The following CSMD1 variants were observed in gnomAD, a reference collection of about 807,000 sequenced individuals.
The protein encoded by CSMD1 is CUB and Sushi multiple domains 1.
Under a neutral mutation model 417.5 loss-of-function variants are expected in CSMD1, and 213 were observed. The ratio of observed to expected loss-of-function variants is 0.51; its 90% CI spans 0.46 to 0.57. CSMD1 has a LOEUF of 0.57. Among genes scored for constraint, CSMD1 ranks in the 20% least tolerant of loss-of-function variants. CSMD1 has a pLI of 0.00. For missense variants in CSMD1, 6,923 were observed against 4,529.7 expected, an observed-to-expected ratio of 1.53 and a Z score of -15.17; for synonymous variants, 2,862 against 1,736.8, an observed-to-expected ratio of 1.65 and a Z score of -16.11.
chr8:3,300,583 C>T (rs950305296), intron 25 of CSMD1, among the ~76,000 whole-genome samples: 1 of 152,050 alleles, frequency 6.6e-6, no homozygotes, highest in African/African-American at 2.4e-5. Flanking sequence ...ATTTCCTAGG[C>T]ATTTATTCTA....
intron 12 of CSMD1, among the ~76,000 whole-genome samples, chr8:3,452,922 A>G (rs1815844979): frequency 6.6e-6 from 1 of 152,226 alleles, no homozygotes; most frequent in African/African-American, 2.4e-5. Flanking sequence ...CTCTGGTAGA[A>G]TTCGGCTGTG....
chr8:4,521,163 A>G (rs1480115036), intron 2 of CSMD1, among the ~76,000 whole-genome samples: 1 of 152,186 alleles, frequency 6.6e-6, no homozygotes, highest in African/African-American at 2.4e-5. Context: ...ACTTACAAAA[A>G]GAACTAAATA....
rs548407107 is a variant in CSMD1 at position 4,838,331 on chromosome 8, AG to A, written c.85+156000del. Among the ~76,000 whole-genome samples the A allele has an allele frequency of 1.1e-4, 16 of 152,306 alleles. No individual in the cohort carries two copies. The South Asian group carries it at 3.3e-3, about 32-fold the overall frequency. On this transcript the variant is annotated intron_variant, in intron 1 of 69. Coordinates refer to ENST00000635120, the MANE Select transcript of CSMD1 (RefSeq NM_033225.6). ...AAGCGTTCATGGAAATAAAATTAACAGGGTAGCTTTGCCTCAAAGACTATGC... is the reference window on the plus strand; with the variant it reads ...AAGCGTTCATGGAAATAAAATTAACAGGTAGCTTTGCCTCAAAGACTATGC...
Position 2,963,262 on chromosome 8 carries a change from T to A in CSMD1, c.9414A>T (p.Glu3138Asp). The A allele has an allele frequency of 6.2e-7, 1 of 1,613,938 alleles. No individual in the cohort carries two copies. Among genetic ancestry groups the A allele is most frequent in the Non-Finnish European group, 8.5e-7 (1 of 1,179,868 alleles). ...TCTCTCCTTTCCACACCCCGCGACC[T>A]TCACAGGAGAGGATGGCGGAGTGAG... ...QLSHSAILSC[E>D]GRGVWKGEIP... The change falls in exon 60 of 70, where the codon GAA (glutamate) becomes GAT (aspartate). Residue 3138 changes from glutamate (E) to aspartate (D), a missense_variant. By Grantham distance (45) the Glu-to-Asp change is conservative. Transcript: ENST00000635120.
At chr8:4,527,852 G>C (rs997022183) in intron 2 of CSMD1, among the ~76,000 whole-genome samples, 16 of 152,196 alleles carry the variant, frequency 1.1e-4, no homozygotes, top group African/African-American at 3.9e-4. Context: ...TCTTTAAATG[G>C]AATGACGTCT....
At chr8:4,078,591 T>A (rs1324266117) in intron 3 of CSMD1, among the ~76,000 whole-genome samples, 1 of 151,220 alleles carries the variant, frequency 6.6e-6, no homozygotes, top group Non-Finnish European at 1.5e-5. Flanking sequence ...ACATAAAATC[T>A]TCGTTATGAA....
chr8:3,131,829 T>G (rs1464891243), intron 41 of CSMD1, among the ~76,000 whole-genome samples: 2 of 152,196 alleles, frequency 1.3e-5, no homozygotes, highest in Non-Finnish European at 2.9e-5. Flanking sequence ...ATGCTAAATA[T>G]TAATTAAAGC....
chr8:3,477,903 G>A (rs539684955), intron 11 of CSMD1, among the ~76,000 whole-genome samples: 16 of 152,284 alleles, frequency 1.1e-4, no homozygotes, highest in African/African-American at 3.8e-4. Context: ...AGGGCAGGTG[G>A]AAAAGAGCAG....
chr8:3,230,286 C>G, intron 26 of CSMD1, 55 bp from the exon 27 acceptor site: 1 of 1,433,152 alleles, frequency 7.0e-7, no homozygotes, highest in Admixed American at 2.5e-5. Flanking sequence ...TTTCCACATT[C>G]TTGTCGGTGT....
chr8:4,374,482 T>G (rs1207826658), intron 3 of CSMD1, among the ~76,000 whole-genome samples: 4 of 152,098 alleles, frequency 2.6e-5, no homozygotes, highest in African/African-American at 9.7e-5. Flanking sequence ...GACAGCTTGC[T>G]ACTGGCAGGA....
intron 1 of CSMD1, among the ~76,000 whole-genome samples, chr8:4,746,565 G>C (rs1015658596): frequency 6.6e-6 from 1 of 152,184 alleles, no homozygotes; most frequent in Non-Finnish European, 1.5e-5. Flanking sequence ...GCCCAAGTGA[G>C]AATGAAGGAA....
intron 11 of CSMD1, among the ~76,000 whole-genome samples, 155 bp downstream of exon 11, chr8:3,493,468 C>T (rs578095765): frequency 6.6e-6 from 1 of 152,228 alleles, no homozygotes; most frequent in South Asian, 2.1e-4. Flanking sequence ...AATGTGTTCT[C>T]ATACAAAATG....
intron 3 of CSMD1, among the ~76,000 whole-genome samples, chr8:4,328,211 C>A (rs916220888): frequency 6.7e-6 from 1 of 149,378 alleles, no homozygotes; most frequent in African/African-American, 2.5e-5. Flanking sequence ...GACCCAAATT[C>A]TACACACCCA....
At chr8:4,178,055 A>T (rs1700117) in intron 3 of CSMD1, among the ~76,000 whole-genome samples, 30,647 of 152,170 alleles carry the variant, frequency 0.2, 3,199 homozygotes, top group East Asian at 0.3. Context: ...ATAGAAAAAG[A>T]GGGCACCCTC....
At position 3,712,330 on chromosome 8, in the gene CSMD1, A is replaced by G. The variant is rs1801562879; in HGVS notation, c.932-3839T>C. On this transcript the variant is annotated intron_variant, in intron 6 of 69. Transcript: ENST00000635120. ...CCTTCCCTCGCCTCTTCCTCCCTCC[A>G]ACTGCCCTCAGAGCTGAGCAGAGAT... Among the ~76,000 whole-genome samples, 4 of 151,388 alleles carry G rather than the reference A, an allele frequency of 2.6e-5. No individual in the cohort carries two copies. In the South Asian group the frequency reaches 6.3e-4, roughly 24 times the overall value.
rs543424640 is a variant in CSMD1 at position 3,396,321 on chromosome 8, G to A, written c.2466C>T (p.Ser822=). The A allele has an allele frequency of 3.7e-6, 6 of 1,608,112 alleles. No individual in the cohort carries two copies. In the East Asian group the frequency reaches 1.3e-4, roughly 36 times the overall value. ...TGCCGTGGTACTCGCCGATCAGTGG[G>A]GACGAACTGGCTGGCCCATCTCTGA... ...LEVRDGPASS[S]PLIGEYHGTQ... is the part of the protein sequence containing the mutation. The change falls in exon 17 of 70, where the codon TCC becomes TCT. Residue 822 remains serine, a synonymous_variant. Coordinates refer to ENST00000635120, the MANE Select transcript of CSMD1 (RefSeq NM_033225.6).
intron 1 of CSMD1, among the ~76,000 whole-genome samples, chr8:4,683,630 C>G (rs752633618): frequency 7.9e-5 from 12 of 152,206 alleles, no homozygotes; most frequent in Non-Finnish European, 1.5e-4. Context: ...TGACGAGGAA[C>G]CTCGCAGAGA....
chr8:4,467,150 A>T (rs1332087721), intron 2 of CSMD1, among the ~76,000 whole-genome samples: 2 of 151,746 alleles, frequency 1.3e-5, no homozygotes, highest in African/African-American at 4.8e-5. Context: ...AGAAAAAAAA[A>T]GAAAAAACAA....
chr8:4,333,488 G>C (rs1322562245), intron 3 of CSMD1, among the ~76,000 whole-genome samples: 2 of 152,108 alleles, frequency 1.3e-5, no homozygotes, highest in Admixed American at 6.6e-5. Flanking sequence ...ATATTAGTAT[G>C]ATTATGTGTA....
Sources: allele counts gnomAD v4.1 joint callset (sites outside exome capture counted in the v4.1 genomes callset), GRCh38; gene constraint gnomAD v4.1.1; transcripts MANE v1.5; gene names NCBI Gene and HGNC (gene_info 2026-07-23, HGNC 2026-07-21).